Variants in RAD51 observed in about 807,000 individuals in gnomAD.
RAD51 encodes the protein DNA repair protein RAD51 homolog 1.
A neutral mutation model predicts 41.5 loss-of-function variants in RAD51; 14 were observed. That is an observed-to-expected ratio of 0.34 (90% CI 0.22 to 0.53). The LOEUF (loss-of-function observed/expected upper bound fraction) is 0.53, where lower values mean the gene tolerates loss of function less well. RAD51 is among the 20% of genes least tolerant of loss of function. The pLI, the probability that RAD51 is intolerant of heterozygous loss-of-function variation, is 0.95. For synonymous variants in RAD51, 136 were observed against 148.6 expected, an observed-to-expected ratio of 0.92 and a Z score of 0.62; for missense variants, 234 against 422.0, an observed-to-expected ratio of 0.55 and a Z score of 3.90.
chr15:40,708,299 G>T (rs1255901769), intron 4 of RAD51, among the ~76,000 whole-genome samples: 1 of 149,514 alleles, frequency 6.7e-6, no homozygotes, highest in East Asian at 2.0e-4. Flanking sequence ...CGTGATCTCG[G>T]CTTGCTGCAG....
intron 4 of RAD51, 70 bp downstream of exon 4, chr15:40,706,364 A>G: frequency 8.1e-7 from 1 of 1,241,338 alleles, no homozygotes. Flanking sequence ...AACAAAACTG[A>G]AATATTTGTG....
chr15:40,699,924 T>C (rs1380264660), intron 2 of RAD51, among the ~76,000 whole-genome samples: 1 of 152,028 alleles, frequency 6.6e-6, no homozygotes, highest in Non-Finnish European at 1.5e-5. Flanking sequence ...TTTTCATATT[T>C]CCCATCTCTG....
At chr15:40,721,625 G>C (rs1393100559) in intron 6 of RAD51, among the ~76,000 whole-genome samples, 1 of 152,102 alleles carries the variant, frequency 6.6e-6, no homozygotes, top group Admixed American at 6.5e-5. Context: ...TTACAGATGT[G>C]AGCCACTAAA....
At chr15:40,721,197 C>G (rs971750496) in intron 6 of RAD51, among the ~76,000 whole-genome samples, 15 of 152,096 alleles carry the variant, frequency 9.9e-5, no homozygotes, top group African/African-American at 3.4e-4. Context: ...AAAGGCAGTT[C>G]TCCTCAGATT....
intron 5 of RAD51, 31 bp downstream of exon 5, chr15:40,709,147 A>G: frequency 6.4e-7 from 1 of 1,550,922 alleles, no homozygotes; most frequent in Non-Finnish European, 8.9e-7. Flanking sequence ...CTAATCAAAT[A>G]AGCAAGCATT....
chr15:40,718,725 T>C, intron 5 of RAD51, 80 bp from the exon 6 acceptor site: 1 of 1,238,468 alleles, frequency 8.1e-7, no homozygotes, highest in Non-Finnish European at 1.2e-6. Flanking sequence ...TTGGAGGAAT[T>C]ATAAAGATGT....
intron 1 of RAD51, among the ~76,000 whole-genome samples, chr15:40,696,135 C>G (rs1894612668): frequency 6.6e-6 from 1 of 152,186 alleles, no homozygotes; most frequent in Admixed American, 6.5e-5. Flanking sequence ...GCCTCTGCCT[C>G]CCAAAGTGCT....
chr15:40,714,984 G>C (rs886246824), intron 5 of RAD51, among the ~76,000 whole-genome samples: 1 of 152,082 alleles, frequency 6.6e-6, no homozygotes, highest in Non-Finnish European at 1.5e-5. Context: ...GACAAGACTG[G>C]GGAATATGGC....
At chr15:40,729,423 A>G in intron 7 of RAD51, 82 bp from the exon 8 acceptor site, 3 of 1,334,846 alleles carry the variant, frequency 2.2e-6, no homozygotes, top group Non-Finnish European at 2.1e-6. Context: ...AACTATGAAT[A>G]TGAGATTTTA....
intron 5 of RAD51, among the ~76,000 whole-genome samples, chr15:40,717,764 T>C (rs1896060816): frequency 6.6e-6 from 1 of 152,198 alleles, no homozygotes. Flanking sequence ...CTAGTCCCTT[T>C]AGTACCCCTA....
chr15:40,702,676 C>T (rs1304673100), intron 3 of RAD51, among the ~76,000 whole-genome samples: 2 of 152,100 alleles, frequency 1.3e-5, no homozygotes, highest in African/African-American at 2.4e-5. Context: ...CACCACCACA[C>T]GTGGCTAATT....
chr15:40,705,334 G>A (rs1313319617), intron 3 of RAD51, among the ~76,000 whole-genome samples: 1 of 152,114 alleles, frequency 6.6e-6, no homozygotes, highest in Non-Finnish European at 1.5e-5. Context: ...AACCCATAGT[G>A]CTATTACAGA....
intron 5 of RAD51, among the ~76,000 whole-genome samples, chr15:40,715,769 T>C (rs1368337202): frequency 2.6e-5 from 4 of 152,180 alleles, no homozygotes; most frequent in African/African-American, 4.8e-5. Context: ...GCCAAGGAAG[T>C]CTATTCAATT....
At chr15:40,703,202 G>A (rs1205237189) in intron 3 of RAD51, among the ~76,000 whole-genome samples, 1 of 152,126 alleles carries the variant, frequency 6.6e-6, no homozygotes, top group Non-Finnish European at 1.5e-5. Flanking sequence ...ATCCTTCAGA[G>A]TCCCTGGGAC....
chr15:40,713,131 C>T (rs1445739474), intron 5 of RAD51, among the ~76,000 whole-genome samples: 2 of 151,752 alleles, frequency 1.3e-5, no homozygotes, highest in East Asian at 1.9e-4. Flanking sequence ...ATCTGCCCGC[C>T]TTGGCCTCCC....
Position 40,717,037 on chromosome 15 carries a change from C to A in RAD51, c.436-1768C>A, listed in dbSNP as rs115731718. On this transcript the variant is annotated intron_variant, in intron 5 of 9. Transcript: ENST00000267868. Reference sequence around the variant, plus strand: ...TGTTTTGTAATTTCAAAAAAAAATTCTCAAAGATAAGAAAGAAAATTTGGG... The same window carrying A: ...TGTTTTGTAATTTCAAAAAAAAATTATCAAAGATAAGAAAGAAAATTTGGG... 3.7e-3 allele frequency among the ~76,000 whole-genome samples: 560 copies of A among 151,764 alleles called. 4 individuals carry two copies. Among genetic ancestry groups the A allele is most frequent in the African/African-American group, 0.013 (529 of 41,374 alleles).
rs750223626 is a variant in RAD51, at chr15:40,729,532, C to T, written c.672C>T (p.Ala224=). 1 of 1,613,970 alleles carries T rather than the reference C, an allele frequency of 6.2e-7. No homozygotes were observed. The highest frequency in any genetic ancestry group is 1.1e-5 in the South Asian group (1 of 91,064). Residue 224 remains alanine, a synonymous_variant, in exon 8 of 10, where the codon GCC becomes GCT. Coordinates refer to ENST00000267868, the MANE Select transcript of RAD51 (RefSeq NM_002875.5). ...SRYALLIVDS[A]TALYRTDYSG... ...ATGCACTGCTTATTGTAGACAGTGC[C>T]ACCGCCCTTTACAGAACAGACTACT...
chr15:40,727,103 CCTTT>C (rs1567053743), intron 6 of RAD51, among the ~76,000 whole-genome samples: 3 of 151,580 alleles, frequency 2.0e-5, no homozygotes, highest in African/African-American at 7.3e-5. Context: ...AGATAATCTC[CCTTT>C]CTTTTTTAAT....
chr15:40,731,321 T>C lies in RAD51; in HGVS notation c.*143T>C. 9.1e-7 allele frequency: 1 copy of C among 1,096,800 alleles called. No homozygotes were observed. The highest frequency in any genetic ancestry group is 2.0e-5 in the Admixed American group (1 of 49,462). 67.9% of individuals were successfully genotyped at this position (1,096,800 alleles called of 1,614,324 possible). On this transcript the variant is annotated 3_prime_UTR_variant, in exon 10 of 10. Coordinates refer to ENST00000267868, the MANE Select transcript of RAD51 (RefSeq NM_002875.5). ...GGAAAACAGCTATTATATCAGCTTT[T>C]CTGATGGTATAAACAGGAGACAGGT...
Sources: gnomAD v4.1 joint callset for allele counts (sites outside exome capture counted in the v4.1 genomes callset) on GRCh38, gnomAD v4.1.1 for gene constraint, MANE v1.5 for transcripts, NCBI Gene and HGNC (gene_info 2026-07-23, HGNC 2026-07-21) for gene names.